The following TRIO variants were observed in gnomAD, a reference collection of about 807,000 sequenced individuals.
TRIO encodes the protein triple functional domain protein.
In TRIO, 58 loss-of-function variants were observed where a neutral mutation model predicts 351.9. The ratio of observed to expected loss-of-function variants is 0.16; its 90% CI spans 0.13 to 0.21. The LOEUF is 0.21. Among genes scored for constraint, TRIO ranks in the 10% least tolerant of loss-of-function variants. The probability of loss-of-function intolerance (pLI) is 1.00; values close to 1 mark genes in which losing one functional copy is unlikely to be tolerated. For synonymous variants in TRIO, 1,758 were observed against 1,595.7 expected (o/e 1.10, Z -2.42); for missense variants, 3,201 against 4,027.8 (o/e 0.79, Z 5.56).
chr5:14,289,555 TTA>T lies in TRIO; in HGVS notation c.541-1160_541-1159del, dbSNP rs1736734656. 2.6e-5 allele frequency among the ~76,000 whole-genome samples: 4 copies of T among 151,784 alleles called. No individual in the cohort carries two copies. In the East Asian group the frequency reaches 5.8e-4, roughly 22 times the overall value. On this transcript the variant is annotated intron_variant, in intron 4 of 56. Coordinates refer to ENST00000344204, the MANE Select transcript of TRIO (RefSeq NM_007118.4). ...AGAGCATGACCCTTTTTTTCCTTTT[TTA>T]AAAAAAAAGGTCGTGTGCGATGTCT...
At chr5:14,292,190 G>A (rs186943049) in intron 5 of TRIO, among the ~76,000 whole-genome samples, 7 of 152,308 alleles carry the variant, frequency 4.6e-5, no homozygotes, top group African/African-American at 1.2e-4. Flanking sequence ...GGATGTAAAA[G>A]GACTTTTCAA....
At chr5:14,444,102 T>C (rs897084816) in intron 34 of TRIO, among the ~76,000 whole-genome samples, 1 of 152,072 alleles carries the variant, frequency 6.6e-6, no homozygotes, top group Non-Finnish European at 1.5e-5. Context: ...TTTCTTTCTG[T>C]TTGGGTTAGG....
chr5:14,155,271 G>C (rs890248500), intron 1 of TRIO, among the ~76,000 whole-genome samples: 1 of 152,132 alleles, frequency 6.6e-6, no homozygotes, highest in African/African-American at 2.4e-5. Flanking sequence ...ATGTTATCTT[G>C]TTTCTGAACC....
chr5:14,378,770 G>T (rs1257573366), intron 20 of TRIO, among the ~76,000 whole-genome samples: 1 of 152,118 alleles, frequency 6.6e-6, no homozygotes, highest in African/African-American at 2.4e-5. Context: ...ATGTTGGCCA[G>T]CCTGGTCTCG....
At chr5:14,167,722 G>A (rs529934520) in intron 1 of TRIO, among the ~76,000 whole-genome samples, 5 of 152,182 alleles carry the variant, frequency 3.3e-5, no homozygotes, top group Non-Finnish European at 7.4e-5. Flanking sequence ...CAGAGGCTGG[G>A]CAAGGGCCTC....
At chr5:14,204,986 C>T (rs1430596697) in intron 1 of TRIO, among the ~76,000 whole-genome samples, 5 of 149,138 alleles carry the variant, frequency 3.4e-5, no homozygotes, top group African/African-American at 1.0e-4. Flanking sequence ...GTGGTGTCAC[C>T]CCTTCTTCAG....
intron 9 of TRIO, among the ~76,000 whole-genome samples, 186 bp downstream of exon 9, chr5:14,316,929 T>C (rs1010035671): frequency 6.6e-6 from 1 of 152,206 alleles, no homozygotes; most frequent in African/African-American, 2.4e-5. Context: ...TGTCAGCCAG[T>C]AGCTCCTGTG....
chr5:14,474,076 A>G lies in TRIO; in HGVS notation c.6062A>G (p.Gln2021Arg), dbSNP rs1337027272. The G allele has an allele frequency of 6.2e-7, 1 of 1,613,568 alleles. No individual in the cohort carries two copies. Among genetic ancestry groups the G allele is most frequent in the South Asian group, 1.1e-5 (1 of 91,046 alleles). The change falls in exon 40 of 57, where the codon CAG becomes CGG. Residue 2021 changes from glutamine to arginine, a missense_variant. By Grantham distance (43) the Gln-to-Arg change is conservative. This residue lies in a region of TRIO where 307 missense variants were observed against 396.5 expected (regional missense o/e 0.77). Transcript: ENST00000344204. ...KDKIVFGNIH[Q>R]IYDWHRDFFL... ...AAAATTGTGTTCGGCAACATCCATC[A>G]GATTTACGACTGGCACAGAGAGTAC... is the stretch of plus-strand genomic sequence containing the variant.
chr5:14,318,994 G>T (rs1392613327), intron 9 of TRIO, among the ~76,000 whole-genome samples: 1 of 152,088 alleles, frequency 6.6e-6, no homozygotes, highest in East Asian at 1.9e-4. Context: ...AGGGCACAAG[G>T]TAAGGAAGCC....
At chr5:14,144,479 C>G (rs1383512806) in intron 1 of TRIO, among the ~76,000 whole-genome samples, 1 of 152,122 alleles carries the variant, frequency 6.6e-6, no homozygotes, top group Non-Finnish European at 1.5e-5. Flanking sequence ...ACTCACTGCC[C>G]AGGGAGTGGG....
chr5:14,322,717 C>T (rs974406346), intron 9 of TRIO, among the ~76,000 whole-genome samples: 18 of 152,318 alleles, frequency 1.2e-4, no homozygotes, highest in African/African-American at 4.3e-4. Flanking sequence ...TTTTCTGATT[C>T]CAGTCATCAG....
At chr5:14,197,947 G>A (rs1790878781) in intron 1 of TRIO, among the ~76,000 whole-genome samples, 1 of 152,154 alleles carries the variant, frequency 6.6e-6, no homozygotes, top group Admixed American at 6.5e-5. Context: ...CCTGCCCTTT[G>A]CTCTGGAGGA....
chr5:14,473,749 T>A (rs1754847136), intron 39 of TRIO, among the ~76,000 whole-genome samples: 1 of 152,266 alleles, frequency 6.6e-6, no homozygotes, highest in Non-Finnish European at 1.5e-5. Context: ...CCTTAGAAGA[T>A]TTTTGATCTG....
chr5:14,197,987 A>G (rs771084893), intron 1 of TRIO, among the ~76,000 whole-genome samples: 2 of 152,310 alleles, frequency 1.3e-5, no homozygotes, highest in Non-Finnish European at 2.9e-5. Flanking sequence ...TATTCACTAT[A>G]AAAATATCCT....
At chr5:14,208,171 AAATG>A (rs1791659797) in intron 1 of TRIO, among the ~76,000 whole-genome samples, 1 of 127,730 alleles carries the variant, frequency 7.8e-6, no homozygotes, top group South Asian at 2.5e-4. Flanking sequence ...CCTTCTAAAT[AAATG>A]AAAACATGTC....
intron 2 of TRIO, among the ~76,000 whole-genome samples, chr5:14,273,930 C>A (rs768017401): frequency 7.9e-5 from 12 of 152,132 alleles, no homozygotes; most frequent in Non-Finnish European, 1.8e-4. Context: ...AATTCGTTGC[C>A]CACTTCAGCA....
intron 1 of TRIO, among the ~76,000 whole-genome samples, chr5:14,228,316 A>G (rs968621310): frequency 2.6e-5 from 4 of 152,228 alleles, no homozygotes; most frequent in African/African-American, 9.7e-5. Flanking sequence ...AAAACCATCC[A>G]GAATTGGAGA....
At chr5:14,446,079 T>A (rs1483151107) in intron 34 of TRIO, among the ~76,000 whole-genome samples, 3 of 152,212 alleles carry the variant, frequency 2.0e-5, no homozygotes, top group Non-Finnish European at 4.4e-5. Flanking sequence ...GGCGTTCCTT[T>A]CATTCCCTTT....
At chr5:14,234,180 A>G (rs1793636696) in intron 1 of TRIO, among the ~76,000 whole-genome samples, 1 of 152,194 alleles carries the variant, frequency 6.6e-6, no homozygotes. Flanking sequence ...CTGTACAAAG[A>G]CGATGTTGAC....
Sources: allele counts gnomAD v4.1 joint callset (sites outside exome capture counted in the v4.1 genomes callset), GRCh38; gene constraint gnomAD v4.1.1; regional missense constraint gnomAD v4.1.1; transcripts MANE v1.5; gene names NCBI Gene and HGNC (gene_info 2026-07-23, HGNC 2026-07-21).